Variants in STARD13 observed in about 807,000 individuals in gnomAD.
STARD13 encodes StAR related lipid transfer domain containing 13.
In STARD13, 62 loss-of-function variants were observed where a neutral mutation model predicts 106.4. That is an observed-to-expected ratio of 0.58 (90% confidence interval 0.48 to 0.72). The LOEUF (loss-of-function observed/expected upper bound fraction) is 0.72, where lower values mean the gene tolerates loss of function less well. Among genes scored for constraint, STARD13 ranks in the 30% least tolerant of loss-of-function variants. The pLI is 0.00. For missense variants in STARD13, 1,387 were observed against 1,424.0 expected (o/e 0.97, Z 0.42); for synonymous variants, 565 against 553.0 (o/e 1.02, Z -0.31).
At chr13:33,606,454 T>G in the STARD13 span, among the ~76,000 whole-genome samples, 1 of 152,222 alleles carries the variant, frequency 6.6e-6, no homozygotes, top group Admixed American at 6.5e-5. Flanking sequence ...CGCATTAATT[T>G]CTGCTTTTCC....
chr13:33,406,973 A>C, the STARD13 span, among the ~76,000 whole-genome samples: 3 of 152,194 alleles, frequency 2.0e-5, no homozygotes, highest in African/African-American at 7.2e-5. Flanking sequence ...GAATCTGTGA[A>C]TGTGGAGGAT....
chr13:33,519,206 T>TTTTTTC, the STARD13 span, among the ~76,000 whole-genome samples: 2 of 43,914 alleles, frequency 4.6e-5, no homozygotes, highest in South Asian at 6.6e-4. Context: ...CTCTTGGTAA[T>TTTTTTC]TTTTTCTTTC....
chr13:33,541,316 T>C, the STARD13 span, among the ~76,000 whole-genome samples: 1 of 152,220 alleles, frequency 6.6e-6, no homozygotes, highest in Non-Finnish European at 1.5e-5. Context: ...TGAAGACCTA[T>C]TACAGCTTCA....
the STARD13 span, among the ~76,000 whole-genome samples, chr13:33,628,558 C>T: frequency 2.0e-5 from 3 of 152,182 alleles, no homozygotes; most frequent in Admixed American, 2.0e-4. Flanking sequence ...AAACTCAATC[C>T]ATTCTGTATA....
chr13:33,329,916 C>T (rs1055468245), intron 1 of STARD13, among the ~76,000 whole-genome samples: 4 of 152,088 alleles, frequency 2.6e-5, no homozygotes, highest in African/African-American at 9.7e-5. Context: ...ATTGGCCAGG[C>T]TGGTCTTGAA....
At chr13:33,281,273 G>A (rs1445253329) in intron 1 of STARD13, 1 of 152,134 alleles carries the variant, frequency 6.6e-6, no homozygotes, top group Non-Finnish European at 1.5e-5. Context: ...TACTTCAGTG[G>A]ACTTGACTGC....
the STARD13 span, among the ~76,000 whole-genome samples, chr13:33,581,657 G>A: frequency 2.0e-5 from 3 of 151,948 alleles, no homozygotes; most frequent in Admixed American, 6.6e-5. Context: ...AGAACAACTC[G>A]GGAGGAATTA....
the STARD13 span, among the ~76,000 whole-genome samples, chr13:33,472,577 C>T: frequency 6.6e-6 from 1 of 151,682 alleles, no homozygotes; most frequent in African/African-American, 2.4e-5. Flanking sequence ...GCCAGTTGTT[C>T]CCTAGAGCAG....
intron 4 of STARD13, among the ~76,000 whole-genome samples, chr13:33,136,699 A>G (rs668640): frequency 0.33 from 49,899 of 152,064 alleles, 8,871 homozygotes; most frequent in Non-Finnish European, 0.41. Context: ...AAAACCACCC[A>G]ACTTCGGGAC....
At chr13:33,489,271 T>C in the STARD13 span, among the ~76,000 whole-genome samples, 9 of 152,354 alleles carry the variant, frequency 5.9e-5, no homozygotes, top group African/African-American at 2.2e-4. Flanking sequence ...AGTTATATAA[T>C]CTATATGTAG....
At chr13:33,232,939 C>T (rs556238031) in intron 1 of STARD13, among the ~76,000 whole-genome samples, 1 of 152,344 alleles carries the variant, frequency 6.6e-6, no homozygotes, top group East Asian at 1.9e-4. Context: ...TCCCATTCTC[C>T]TTGGCTGCAA....
chr13:33,661,945 G>C, the STARD13 span, among the ~76,000 whole-genome samples: 1 of 151,850 alleles, frequency 6.6e-6, no homozygotes, highest in Admixed American at 6.6e-5. Context: ...TATACATATA[G>C]GTTCACAAAT....
chr13:33,385,637 A>G, the STARD13 span, among the ~76,000 whole-genome samples: 1 of 151,882 alleles, frequency 6.6e-6, no homozygotes, highest in Non-Finnish European at 1.5e-5. Context: ...AGGAGGGCGG[A>G]TCACCTGAGG....
rs79674534 is a variant in STARD13 at position 33,308,843 on chromosome 13, A to C, written c.124+41447T>G. Among the ~76,000 whole-genome samples, 413 of 152,160 alleles carry C rather than the reference A, an allele frequency of 2.7e-3. 2 individuals are homozygous for C. The highest frequency in any genetic ancestry group is 9.6e-3 in the African/African-American group (397 of 41,530). On this transcript the variant is annotated intron_variant, in intron 1 of 5. Coordinates refer to the STARD13 transcript ENST00000567873. ...CCAGCCTGTTTTCTAATTTCTAGTC[A>C]GATGTCTTGGCAAAGCATGATTTGT...
At chr13:33,297,178 C>T (rs1293825910) in intron 1 of STARD13, among the ~76,000 whole-genome samples, 1 of 152,218 alleles carries the variant, frequency 6.6e-6, no homozygotes, top group African/African-American at 2.4e-5. Flanking sequence ...TGGCCAGTCT[C>T]CCAGAGCACC....
At chr13:33,396,057 G>C in the STARD13 span, among the ~76,000 whole-genome samples, 1 of 152,060 alleles carries the variant, frequency 6.6e-6, no homozygotes, top group East Asian at 1.9e-4. Context: ...TCACTGTGTT[G>C]ACCAGGATTG....
chr13:33,423,968 T>C, the STARD13 span, among the ~76,000 whole-genome samples: 1 of 151,998 alleles, frequency 6.6e-6, no homozygotes, highest in African/African-American at 2.4e-5. Flanking sequence ...GGGGGAGGGA[T>C]AGCATTAGGA....
At chr13:33,352,237 C>T (rs978762739), upstream of STARD13, among the ~76,000 whole-genome samples, 3 of 152,160 alleles carry the variant, frequency 2.0e-5, no homozygotes, top group Non-Finnish European at 4.4e-5. Context: ...GCTTTGTATG[C>T]ATGCAGAGGT....
chr13:33,604,225 A>T, the STARD13 span, among the ~76,000 whole-genome samples: 1 of 152,342 alleles, frequency 6.6e-6, no homozygotes, highest in Non-Finnish European at 1.5e-5. Context: ...TCAGCAATAC[A>T]TGTCAGACAG....
Sources: allele counts gnomAD v4.1 joint callset (sites outside exome capture counted in the v4.1 genomes callset), GRCh38; gene constraint gnomAD v4.1.1; transcripts MANE v1.5; gene names NCBI Gene and HGNC (gene_info 2026-07-23, HGNC 2026-07-21).